Variants in NRXN1 observed in about 807,000 individuals in gnomAD.
NRXN1 encodes the protein neurexin-1.
Under a neutral mutation model 150.9 loss-of-function variants are expected in NRXN1, and 39 were observed. The ratio of observed to expected loss-of-function variants is 0.26; its 90% CI spans 0.20 to 0.34. The LOEUF is 0.34. Among genes scored for constraint, NRXN1 ranks in the 10% least tolerant of loss-of-function variants. The pLI, the probability that NRXN1 is intolerant of heterozygous loss-of-function variation, is 1.00. For missense variants in NRXN1, 1,815 were observed against 1,949.9 expected (o/e 0.93, Z 1.30); for synonymous variants, 924 against 757.0 (o/e 1.22, Z -3.62).
chr2:50,633,374 A>G (rs1682684568), intron 5 of NRXN1, among the ~76,000 whole-genome samples: 1 of 152,178 alleles, frequency 6.6e-6, no homozygotes, highest in Non-Finnish European at 1.5e-5. Context: ...TGATATCCCC[A>G]GCACATTAAG....
chr2:50,311,368 G>C (rs2075165814), intron 17 of NRXN1, among the ~76,000 whole-genome samples: 1 of 152,120 alleles, frequency 6.6e-6, no homozygotes, highest in Admixed American at 6.6e-5. Flanking sequence ...AGCTAAGAAT[G>C]ATGATTTGAA....
At chr2:50,466,993 T>G (rs1352243238) in intron 16 of NRXN1, among the ~76,000 whole-genome samples, 1 of 151,720 alleles carries the variant, frequency 6.6e-6, no homozygotes, top group Non-Finnish European at 1.5e-5. Flanking sequence ...CAGCTGGACT[T>G]TAGAGTGACA....
chr2:50,380,347 A>G (rs957430617), intron 17 of NRXN1, among the ~76,000 whole-genome samples: 4 of 151,586 alleles, frequency 2.6e-5, no homozygotes, highest in Non-Finnish European at 5.9e-5. Context: ...AACTCTGCTG[A>G]TTATACTATA....
At chr2:50,628,815 TAAC>T (rs1033454047) in intron 5 of NRXN1, among the ~76,000 whole-genome samples, 4 of 150,738 alleles carry the variant, frequency 2.7e-5, no homozygotes, top group African/African-American at 9.7e-5. Context: ...TACAAATCAA[TAAC>T]AACAACAACA....
At chr2:50,562,402 T>C (rs1004671083) in intron 8 of NRXN1, among the ~76,000 whole-genome samples, 11 of 152,100 alleles carry the variant, frequency 7.2e-5, no homozygotes, top group South Asian at 2.1e-4. Context: ...TTGATCTGCA[T>C]TGACATACTA....
intron 9 of NRXN1, among the ~76,000 whole-genome samples, chr2:50,547,121 GT>G (rs1055076084): frequency 1.3e-5 from 2 of 152,078 alleles, no homozygotes; most frequent in Non-Finnish European, 2.9e-5. Flanking sequence ...GTAATATCTA[GT>G]TCTTAAACTG....
At chr2:50,998,200 C>T (rs1463948844) in intron 2 of NRXN1, among the ~76,000 whole-genome samples, 2 of 141,056 alleles carry the variant, frequency 1.4e-5, no homozygotes, top group African/African-American at 3.0e-5. Context: ...CTATACAAAC[C>T]CAAAACTTCA....
chr2:50,710,156 C>G (rs1694975064), intron 5 of NRXN1, among the ~76,000 whole-genome samples: 1 of 152,164 alleles, frequency 6.6e-6, no homozygotes, highest in Non-Finnish European at 1.5e-5. Flanking sequence ...TTCAAAGGAG[C>G]TGCAGACTTG....
chr2:50,122,191 GA>G (rs1362917680), intron 18 of NRXN1, among the ~76,000 whole-genome samples: 1 of 152,158 alleles, frequency 6.6e-6, no homozygotes, highest in Admixed American at 6.5e-5. Flanking sequence ...CACACTTGTT[GA>G]AAAGCATCTT....
At chr2:50,526,191 T>C (rs2105168263) in intron 12 of NRXN1, among the ~76,000 whole-genome samples, 1 of 152,328 alleles carries the variant, frequency 6.6e-6, no homozygotes, top group East Asian at 1.9e-4. Context: ...TCTGGGGAAG[T>C]TTCCATTCAA....
intron 5 of NRXN1, among the ~76,000 whole-genome samples, chr2:50,702,930 TG>T: frequency 6.6e-6 from 1 of 152,232 alleles, no homozygotes; most frequent in African/African-American, 2.4e-5. Flanking sequence ...ATGCCCTTTT[TG>T]TTTTGTTCTG....
At chr2:50,850,062 A>G (rs1674284511) in intron 5 of NRXN1, among the ~76,000 whole-genome samples, 1 of 151,906 alleles carries the variant, frequency 6.6e-6, no homozygotes, top group Non-Finnish European at 1.5e-5. Flanking sequence ...AGAAAAATTA[A>G]AGAAAAAAAA....
At chr2:50,521,540 T>C (rs1050967979) in intron 12 of NRXN1, among the ~76,000 whole-genome samples, 3 of 152,156 alleles carry the variant, frequency 2.0e-5, no homozygotes, top group Admixed American at 2.0e-4. Context: ...TGTTAATAAG[T>C]AAAAGAAGTG....
At chr2:50,933,609 T>C (rs1688097673) in intron 2 of NRXN1, among the ~76,000 whole-genome samples, 1 of 152,132 alleles carries the variant, frequency 6.6e-6, no homozygotes, top group Non-Finnish European at 1.5e-5. Context: ...GTTATTTGAG[T>C]TAATGTCTAG....
intron 5 of NRXN1, among the ~76,000 whole-genome samples, chr2:50,842,656 A>C (rs941005847): frequency 2.0e-5 from 3 of 152,194 alleles, no homozygotes; most frequent in African/African-American, 7.2e-5. Flanking sequence ...GTGAGTAATA[A>C]ATTAGTAACC....
intron 21 of NRXN1, among the ~76,000 whole-genome samples, chr2:49,968,191 C>T (rs572214855): frequency 5.3e-5 from 8 of 150,196 alleles, no homozygotes; most frequent in Admixed American, 2.0e-4. Flanking sequence ...ATAAGGCAAA[C>T]AAAGAATTAT....
intron 5 of NRXN1, among the ~76,000 whole-genome samples, chr2:50,722,158 G>A (rs1249880870): frequency 6.6e-6 from 1 of 152,028 alleles, no homozygotes; most frequent in Non-Finnish European, 1.5e-5. Flanking sequence ...AAAATTTTCT[G>A]AAGCTATAAT....
intron 2 of NRXN1, among the ~76,000 whole-genome samples, chr2:50,974,284 C>T (rs1695485722): frequency 6.6e-6 from 1 of 152,132 alleles, no homozygotes. Flanking sequence ...ATGTTATTCT[C>T]ATTTTGGCCA....
At chr2:50,979,567 A>G (rs1162987588) in intron 2 of NRXN1, among the ~76,000 whole-genome samples, 1 of 152,144 alleles carries the variant, frequency 6.6e-6, no homozygotes, top group African/African-American at 2.4e-5. Context: ...CAGAATTTAT[A>G]AAAGTTCACC....
Sources: allele counts gnomAD v4.1 joint callset (sites outside exome capture counted in the v4.1 genomes callset), GRCh38; gene constraint gnomAD v4.1.1; transcripts MANE v1.5; gene names NCBI Gene and HGNC (gene_info 2026-07-23, HGNC 2026-07-21).